Variants in TRMT44 observed in about 807,000 individuals in gnomAD.
The protein encoded by TRMT44 is probable tRNA (uracil-O(2)-)-methyltransferase.
In TRMT44, 78 loss-of-function variants were observed where a neutral mutation model predicts 77.3. The ratio of observed to expected loss-of-function variants is 1.01; its 90% CI spans 0.84 to 1.22. The LOEUF is 1.22. Among genes scored for constraint, TRMT44 ranks in the 50% most tolerant of loss-of-function variants. TRMT44 has a pLI of 0.00. For synonymous variants in TRMT44, 391 were observed against 383.3 expected (o/e 1.02, Z -0.23); for missense variants, 1,090 against 964.4 (o/e 1.13, Z -1.73).
At chr4:8,490,373 C>T (rs1019526096) in intron 2 of TRMT44, among the ~76,000 whole-genome samples, 3 of 151,600 alleles carry the variant, frequency 2.0e-5, no homozygotes, top group South Asian at 4.2e-4. Context: ...CAGATGTGTT[C>T]GGAGTTTCTT....
downstream of TRMT44, among the ~76,000 whole-genome samples, chr4:8,495,515 C>T (rs1728126144): frequency 6.6e-6 from 1 of 152,130 alleles, no homozygotes; most frequent in Admixed American, 6.6e-5. Context: ...CAAAATGAAT[C>T]CATTTCAGTA....
At chr4:8,506,028 C>A in the TRMT44 span, among the ~76,000 whole-genome samples, 1 of 152,230 alleles carries the variant, frequency 6.6e-6, no homozygotes, top group Non-Finnish European at 1.5e-5. Context: ...TTGGGTATTT[C>A]TTCACAGCAG....
chr4:8,461,966 C>T lies in TRMT44; in HGVS notation c.1204-2019C>T, dbSNP rs1444380914. On this transcript the variant is annotated intron_variant, in intron 6 of 10. Transcript: ENST00000389737. This position sits in a 1 kb window ranked among gnomAD's most constrained non-coding sequence, Gnocchi z 4.6. ...CTTTTTTTCTTTCTTTCAAAAACCT[C>T]ATTTGATTGCAAGCAAGAGAGTGTT... Among the ~76,000 whole-genome samples the T allele has an allele frequency of 6.6e-6, 1 of 152,194 alleles. No individual in the cohort carries two copies. Among genetic ancestry groups the T allele is most frequent in the Non-Finnish European group, 1.5e-5 (1 of 68,042 alleles).
At chr4:8,509,103 C>T in the TRMT44 span, 1 of 152,174 alleles carries the variant, frequency 6.6e-6, no homozygotes, top group African/African-American at 2.4e-5. Context: ...AGTTGCAACT[C>T]TTCTCTGGTA....
At chr4:8,487,324 A>T (rs956161057) in intron 2 of TRMT44, among the ~76,000 whole-genome samples, 2 of 152,016 alleles carry the variant, frequency 1.3e-5, no homozygotes, top group African/African-American at 4.8e-5. Flanking sequence ...GGTTGCCCGT[A>T]GTGAAGGAGG....
the TRMT44 span, among the ~76,000 whole-genome samples, chr4:8,503,640 C>T: frequency 6.0e-4 from 91 of 152,328 alleles, no homozygotes; most frequent in African/African-American, 2.1e-3. Flanking sequence ...CTTTCCACCC[C>T]GATGCCCACA....
rs1480135579 is a variant in TRMT44, at chr4:8,451,368, A to G, written c.955-592A>G. Among the ~76,000 whole-genome samples the G allele has an allele frequency of 1.3e-5, 2 of 152,174 alleles. No individual in the cohort carries two copies. Among genetic ancestry groups the G allele is most frequent in the African/African-American group, 2.4e-5 (1 of 41,434 alleles). ...GGAAATAGAAATTTCAACTTTTAACATTGGCCATTGGTTTTTCCTGTTTTG... is the reference window on the plus strand; with the variant it reads ...GGAAATAGAAATTTCAACTTTTAACGTTGGCCATTGGTTTTTCCTGTTTTG... On this transcript the variant is annotated intron_variant, in intron 3 of 10. Coordinates refer to ENST00000389737, the MANE Select transcript of TRMT44 (RefSeq NM_152544.3). This position sits in a 1 kb window ranked among gnomAD's most constrained non-coding sequence, Gnocchi z 4.1.
In TRMT44 at chr4:8,452,768, A is replaced by T; in HGVS notation, c.1024-114A>T. On this transcript the variant is annotated intron_variant, in intron 4 of 10. Coordinates refer to ENST00000389737, the MANE Select transcript of TRMT44 (RefSeq NM_152544.3). This position sits in a 1 kb window ranked among gnomAD's most constrained non-coding sequence, Gnocchi z 5.7. ...AAAAAAAAAAAAGAATGTTTAGTGT[A>T]GATGATTTCAAGTTTCCTTTCACTC... is the stretch of plus-strand genomic sequence containing the variant. 1.7e-6 allele frequency: 1 copy of T among 585,798 alleles called. No individual in the cohort carries two copies. The highest frequency in any genetic ancestry group is 2.9e-6 in the Non-Finnish European group (1 of 340,854). 36.3% of individuals were successfully genotyped at this position (585,798 alleles called of 1,614,324 possible).
At chr4:8,479,820 CTTTTT>C (rs199863189), downstream of TRMT44, among the ~76,000 whole-genome samples, 1,584 of 149,872 alleles carry the variant, frequency 0.011, 28 homozygotes, top group African/African-American at 0.036. Context: ...ATTTTTGACT[CTTTTT>C]TAATAACAGC....
intron 2 of TRMT44, among the ~76,000 whole-genome samples, chr4:8,483,893 C>T (rs1477748342): frequency 4.6e-5 from 7 of 152,142 alleles, no homozygotes; most frequent in Admixed American, 4.6e-4. Context: ...TTTTAGTTGC[C>T]TGACTCAGGG....
rs149072759 is a variant in TRMT44 at position 8,461,673 on chromosome 4, C to G, written c.1204-2312C>G. On this transcript the variant is annotated intron_variant, in intron 6 of 10. Coordinates refer to ENST00000389737, the MANE Select transcript of TRMT44 (RefSeq NM_152544.3). This position sits in a 1 kb window ranked among gnomAD's most constrained non-coding sequence, Gnocchi z 4.6. ...GGCCTGCTGTTGAGAGTTCTGTATT[C>G]TAATCAAGTGTGTAGGTTTTTTCCT... Among the ~76,000 whole-genome samples, 3 of 152,212 alleles carry G rather than the reference C, an allele frequency of 2.0e-5. No individual in the cohort carries two copies. The highest frequency in any genetic ancestry group is 7.2e-5 in the African/African-American group (3 of 41,522).
At chr4:8,449,949 C>CTTTTCTTTTCTATT (rs761311536) in intron 3 of TRMT44, 61 bp downstream of exon 3, 1 of 220,668 alleles carries the variant, frequency 4.5e-6, no homozygotes, top group African/African-American at 7.5e-5. Flanking sequence ...CTTTTCTTTT[C>CTTTTCTTTTCTATT]TTTTTTTTTT....
intron 2 of TRMT44, among the ~76,000 whole-genome samples, chr4:8,487,050 G>C (rs189233284): frequency 6.6e-6 from 1 of 152,162 alleles, no homozygotes; most frequent in Non-Finnish European, 1.5e-5. Context: ...AGACTAGGAA[G>C]GGACTGATGT....
chr4:8,479,071 C>T (rs1340972238), downstream of TRMT44: 1 of 152,292 alleles, frequency 6.6e-6, no homozygotes, highest in African/African-American at 2.4e-5. Context: ...CGCGTATTCT[C>T]CCTCTCATCC....
At chr4:8,486,827 G>A (rs1044172438) in intron 2 of TRMT44, among the ~76,000 whole-genome samples, 2 of 152,158 alleles carry the variant, frequency 1.3e-5, no homozygotes, top group Non-Finnish European at 2.9e-5. Context: ...AGGAGGGGAG[G>A]TGATAAAAGG....
chr4:8,462,027 A>C (rs1726187238), intron 6 of TRMT44, among the ~76,000 whole-genome samples: 1 of 152,276 alleles, frequency 6.6e-6, no homozygotes, highest in Non-Finnish European at 1.5e-5. Flanking sequence ...TTATAACAAC[A>C]GCCTGGTGGT....
At chr4:8,467,838 G>A (rs773745191) in intron 8 of TRMT44, 76 bp from the exon 9 acceptor site, 5 of 1,433,492 alleles carry the variant, frequency 3.5e-6, no homozygotes, top group Non-Finnish European at 4.7e-6. Context: ...TTGTACTCCA[G>A]GATGAGAGAA....
Position 8,468,135 on chromosome 4 carries a change from C to G in TRMT44, c.1716C>G (p.Ala572=), listed in dbSNP as rs183254183. 6.2e-7 allele frequency: 1 copy of G among 1,613,916 alleles called. No homozygotes were observed. The highest frequency in any genetic ancestry group is 1.1e-5 in the South Asian group (1 of 91,058). The change falls in exon 9 of 11, where the codon GCC becomes GCG. Residue 572 remains alanine (A), a synonymous_variant. Transcript: ENST00000389737. Reference sequence around the variant, plus strand: ...TCGGGTGTGTAACCAGGGCCTGGGCCGCTGAGCATGGAGCAGGGCCCCAGG... The same window carrying G: ...TCGGGTGTGTAACCAGGGCCTGGGCGGCTGAGCATGGAGCAGGGCCCCAGG... ...ARVGCVTRAW[A]AEHGAGPQAE...
the TRMT44 span, among the ~76,000 whole-genome samples, chr4:8,498,903 C>A: frequency 6.6e-6 from 1 of 152,162 alleles, no homozygotes; most frequent in Non-Finnish European, 1.5e-5. The surrounding 1 kb of genome is among the most constrained non-coding windows in gnomAD (Gnocchi z 4.3). Context: ...TTGTCGGGGA[C>A]TGGTGGTCCC....
Sources: allele counts gnomAD v4.1 joint callset (sites outside exome capture counted in the v4.1 genomes callset), GRCh38; gene constraint gnomAD v4.1.1; non-coding constraint Gnocchi (gnomAD v3.1); transcripts MANE v1.5; gene names NCBI Gene and HGNC (gene_info 2026-07-23, HGNC 2026-07-21).